RCAN1: variants seen among roughly 807,000 people sequenced by gnomAD.
RCAN1 encodes calcipressin-1.
RCAN1 carries 11 observed loss-of-function variants against 22.9 expected under a neutral mutation model. The ratio of observed to expected loss-of-function variants is 0.48; its 90% CI spans 0.30 to 0.79. The LOEUF is 0.79. RCAN1 is among the 30% of genes least tolerant of loss of function. The pLI, the probability that RCAN1 is intolerant of heterozygous loss-of-function variation, is 0.06. For synonymous variants in RCAN1, 136 were observed against 142.3 expected (o/e 0.96, Z 0.32); for missense variants, 291 against 337.8 (o/e 0.86, Z 1.09).
intron 1 of RCAN1, among the ~76,000 whole-genome samples, chr21:34,595,219 T>C (rs1247515735): frequency 3.3e-5 from 5 of 152,116 alleles, no homozygotes; most frequent in Admixed American, 6.5e-5. Flanking sequence ...AACCACTTGC[T>C]CTAGTAACTG....
At chr21:34,550,581 T>G (rs1183728877) in intron 1 of RCAN1, among the ~76,000 whole-genome samples, 1 of 152,122 alleles carries the variant, frequency 6.6e-6, no homozygotes, top group Non-Finnish European at 1.5e-5. Context: ...CTGAGGGAAA[T>G]AGCCCTGCCA....
chr21:34,579,935 A>T (rs1229271089), intron 1 of RCAN1, among the ~76,000 whole-genome samples: 1 of 152,166 alleles, frequency 6.6e-6, no homozygotes, highest in Non-Finnish European at 1.5e-5. Flanking sequence ...CACTCTGTAA[A>T]ATAGAAATAA....
At position 34,525,654 on chromosome 21, in the gene RCAN1, G is replaced by C. The variant is rs1601135718; in HGVS notation, c.253-1944C>G. The C allele has an allele frequency of 9.9e-6, 3 of 303,218 alleles. No individual in the cohort carries two copies. In the East Asian group the frequency reaches 1.6e-4, roughly 17 times the overall value. 18.8% of individuals were successfully genotyped at this position (303,218 alleles called of 1,614,324 possible). A position where few individuals can be genotyped will look rare whatever the true frequency, so the allele number is the denominator to read the frequency against. On this transcript the variant is annotated intron_variant, in intron 1 of 3. Transcript: ENST00000313806. ...GAATTCACATTATCTTTAAAATCTA[G>C]ATTACTATGATGCCTTTCTCTTATA...
At chr21:34,534,724 G>T (rs571392820) in intron 1 of RCAN1, among the ~76,000 whole-genome samples, 2 of 152,334 alleles carry the variant, frequency 1.3e-5, no homozygotes, top group South Asian at 4.1e-4. Context: ...GTCACAGGAG[G>T]TGGTGTAGGG....
intron 1 of RCAN1, among the ~76,000 whole-genome samples, chr21:34,611,191 T>C (rs185582707): frequency 2.0e-5 from 3 of 152,274 alleles, no homozygotes; most frequent in Admixed American, 6.5e-5. Context: ...CACATGTAAT[T>C]ACTGGTTCAA....
chr21:34,546,373 GT>G (rs71194897), intron 1 of RCAN1, among the ~76,000 whole-genome samples: 3,248 of 137,692 alleles, frequency 0.024, 84 homozygotes, highest in African/African-American at 0.064. Flanking sequence ...TTACTTATTA[GT>G]TTTTTTTTTT....
chr21:34,614,228 TC>T lies in RCAN1; in HGVS notation c.252+531del. 2.0e-6 allele frequency: 2 copies of T among 997,760 alleles called. No homozygotes were observed. The highest frequency in any genetic ancestry group is 2.4e-6 in the Non-Finnish European group (2 of 837,868). 61.8% of individuals were successfully genotyped at this position (997,760 alleles called of 1,614,324 possible). ...ATGGTCCCCTTCCCCCCAACACAAT[TC>T]CACCAAAACTGGCCAGCCGCTGGCT... On this transcript the variant is annotated intron_variant, in intron 1 of 3. Coordinates refer to ENST00000313806, the MANE Select transcript of RCAN1 (RefSeq NM_004414.7). This position sits in a 1 kb window ranked among gnomAD's most constrained non-coding sequence, Gnocchi z 6.0.
In RCAN1 at chr21:34,521,583, G is replaced by A; in HGVS notation, c.502C>T (p.Pro168Ser). The A allele has an allele frequency of 6.2e-7, 1 of 1,614,226 alleles. No homozygotes were observed. The highest frequency in any genetic ancestry group is 8.5e-7 in the Non-Finnish European group (1 of 1,180,046). Residue 168 changes from proline to serine, a missense_variant, in exon 3 of 4, where the codon CCG (proline) becomes TCG (serine). Coordinates refer to ENST00000313806, the MANE Select transcript of RCAN1 (RefSeq NM_004414.7). ...TCCACTTGTTTCCATCCCACTGGCG[G>A]AGAGGCGGGAGGGGAGATCAGAAAC... ...KQFLISPPAS[P>S]PVGWKQVEDA...
chr21:34,572,965 C>T (rs1987283534), intron 1 of RCAN1, among the ~76,000 whole-genome samples: 1 of 151,700 alleles, frequency 6.6e-6, no homozygotes, highest in Admixed American at 6.6e-5. Flanking sequence ...CCAGTCACCT[C>T]CCACCAGGCC....
chr21:34,608,983 C>T (rs1194117951), intron 1 of RCAN1, among the ~76,000 whole-genome samples: 1 of 152,088 alleles, frequency 6.6e-6, no homozygotes, highest in African/African-American at 2.4e-5. Context: ...CATATTAAAC[C>T]CAGCTAAATC....
At chr21:34,599,253 G>T (rs541739464) in intron 1 of RCAN1, among the ~76,000 whole-genome samples, 1 of 152,276 alleles carries the variant, frequency 6.6e-6, no homozygotes, top group South Asian at 2.1e-4. Flanking sequence ...ACAATCAATA[G>T]GAATAGCTGG....
chr21:34,563,819 A>G lies in RCAN1; in HGVS notation c.253-40109T>C, dbSNP rs192165973. ...TAGAGAGAGAGAGAGAGAGAGAGAG[A>G]GGCAGGCATGGTGGCAGGTGCCTAT... On this transcript the variant is annotated intron_variant, in intron 1 of 3. Coordinates refer to ENST00000313806, the MANE Select transcript of RCAN1 (RefSeq NM_004414.7). Among the ~76,000 whole-genome samples the G allele has an allele frequency of 2.6e-3, 358 of 138,680 alleles. 1 individual carries two copies. Among genetic ancestry groups the G allele is most frequent in the Middle Eastern group, 0.015 (4 of 264 alleles). The allele number at this position is 138,680 out of a possible 152,430, so 91.0% of individuals were successfully genotyped here. A position where few individuals can be genotyped will look rare whatever the true frequency, so the allele number is the denominator to read the frequency against.
intron 1 of RCAN1, among the ~76,000 whole-genome samples, chr21:34,566,236 C>T (rs1333918244): frequency 6.6e-6 from 1 of 152,154 alleles, no homozygotes; most frequent in African/African-American, 2.4e-5. Context: ...CTCCCAGAGT[C>T]TTCTCCTAAT....
At position 34,521,339 on chromosome 21, in the gene RCAN1, C is replaced by T. The variant is rs769218893; in HGVS notation, c.586+160G>A. On this transcript the variant is annotated intron_variant, in intron 3 of 3. Coordinates refer to ENST00000313806, the MANE Select transcript of RCAN1 (RefSeq NM_004414.7). ...GTGGTGCCAAGAGGCAGGCATGCTCCCAGCACAAGGGACGGTGGCGCAGAA... is the reference window on the plus strand; with the variant it reads ...GTGGTGCCAAGAGGCAGGCATGCTCTCAGCACAAGGGACGGTGGCGCAGAA... The T allele has an allele frequency of 1.2e-4, 174 of 1,505,924 alleles. 1 individual carries two copies. Among genetic ancestry groups the T allele is most frequent in the Non-Finnish European group, 1.5e-4 (170 of 1,130,322 alleles). The allele number at this position is 1,505,924 out of a possible 1,614,324, so 93.3% of individuals were successfully genotyped here. A position where few individuals can be genotyped will look rare whatever the true frequency, so the allele number is the denominator to read the frequency against.
chr21:34,614,310 T>G lies in RCAN1; in HGVS notation c.252+450A>C. On this transcript the variant is annotated intron_variant, in intron 1 of 3. Coordinates refer to ENST00000313806, the MANE Select transcript of RCAN1 (RefSeq NM_004414.7). This position sits in a 1 kb window ranked among gnomAD's most constrained non-coding sequence, Gnocchi z 6.0. ...TTGGCTTTTCTTCCAATAGTGCAGA[T>G]TGGGAATGCAGGGACGTCGTCCTAT... 1.0e-6 allele frequency: 1 copy of G among 990,134 alleles called. No individual in the cohort carries two copies. Among genetic ancestry groups the G allele is most frequent in the Non-Finnish European group, 1.2e-6 (1 of 833,298 alleles). 61.3% of individuals were successfully genotyped at this position (990,134 alleles called of 1,614,324 possible). A position where few individuals can be genotyped will look rare whatever the true frequency, so the allele number is the denominator to read the frequency against.
In RCAN1 at chr21:34,614,781, C is replaced by A; in HGVS notation, c.231G>T (p.Val77=). ...TCACCCGGCACAGGCCGTCCACGAA[C>A]ACGCGCGGGTCCAGGTGACAGGCGA... ...ATIACHLDPR[V]FVDGLCRAKF... Residue 77 remains valine (V), a synonymous_variant, in exon 1 of 4, where the codon GTG becomes GTT. Coordinates refer to ENST00000313806, the MANE Select transcript of RCAN1 (RefSeq NM_004414.7). This position sits in a 1 kb window ranked among gnomAD's most constrained non-coding sequence, Gnocchi z 6.0. The A allele has an allele frequency of 6.8e-7, 1 of 1,465,654 alleles. No individual in the cohort carries two copies. 90.8% of individuals were successfully genotyped at this position (1,465,654 alleles called of 1,614,324 possible).
rs545641161 is a variant in RCAN1 at position 34,586,755 on chromosome 21, C to T, written c.252+28005G>A. On this transcript the variant is annotated intron_variant, in intron 1 of 3. Transcript: ENST00000313806. ...ATCACTTAAGATCAGGAGTTCATGA[C>T]CAGCCTGGCCAACATGGCGAAACCC... Among the ~76,000 whole-genome samples the T allele has an allele frequency of 3.9e-5, 6 of 152,300 alleles. No homozygotes were observed. In the East Asian group the frequency reaches 9.6e-4, roughly 24 times the overall value.
chr21:34,585,408 C>T (rs1723822175), intron 1 of RCAN1, among the ~76,000 whole-genome samples: 1 of 152,090 alleles, frequency 6.6e-6, no homozygotes, highest in African/African-American at 2.4e-5. Context: ...TAATGTCTAA[C>T]AGGCAAGTTA....
rs780750049 is a variant in RCAN1, at chr21:34,521,490, C to T, written c.586+9G>A. ...CCCTGCCTCCCTCCCACCCGAGGGC[C>T]CTGCTCACCTGGCCCCAGCTTGGAG... On this transcript the variant is annotated intron_variant, in intron 3 of 3. Transcript: ENST00000313806. 2 of 1,614,054 alleles carry T rather than the reference C, an allele frequency of 1.2e-6. No individual in the cohort carries two copies. Among genetic ancestry groups the T allele is most frequent in the Non-Finnish European group, 1.7e-6 (2 of 1,180,052 alleles).
Sources: gnomAD v4.1 joint callset for allele counts (sites outside exome capture counted in the v4.1 genomes callset) on GRCh38, gnomAD v4.1.1 for gene constraint, Gnocchi (gnomAD v3.1) non-coding constraint, MANE v1.5 for transcripts, NCBI Gene and HGNC (gene_info 2026-07-23, HGNC 2026-07-21) for gene names.